Variants in WWC2 observed in about 807,000 individuals in gnomAD.
WWC2 encodes the protein WW and C2 domain containing 2.
Under a neutral mutation model 138.5 loss-of-function variants are expected in WWC2, and 101 were observed. That is an observed-to-expected ratio of 0.73 (90% CI 0.62 to 0.86). WWC2 has a LOEUF of 0.86. Among genes scored for constraint, WWC2 ranks in the 40% least tolerant of loss-of-function variants. The pLI is 0.00. For missense variants in WWC2, 1,420 were observed against 1,419.4 expected (o/e 1.00, Z -0.01); for synonymous variants, 558 against 538.4 (o/e 1.04, Z -0.50).
intron 1 of WWC2, among the ~76,000 whole-genome samples, chr4:183,155,229 T>C (rs1197687614): frequency 8.0e-6 from 1 of 125,690 alleles, no homozygotes; most frequent in Non-Finnish European, 1.6e-5. Flanking sequence ...AGAGAGTTAG[T>C]TGACGTGGTG....
At chr4:183,213,064 A>G (rs1735655274) in intron 4 of WWC2, among the ~76,000 whole-genome samples, 1 of 152,212 alleles carries the variant, frequency 6.6e-6, no homozygotes, top group Non-Finnish European at 1.5e-5. Flanking sequence ...CCCTTTCATT[A>G]GTGCCTAGGT....
At chr4:183,137,120 C>T (rs990741013) in intron 1 of WWC2, among the ~76,000 whole-genome samples, 1 of 152,096 alleles carries the variant, frequency 6.6e-6, no homozygotes, top group South Asian at 2.1e-4. Context: ...ACTGTGGAGG[C>T]CTTCAACATT....
At position 183,188,618 on chromosome 4, in the gene WWC2, A is replaced by ATCTCTCTC. The variant is rs539084926; in HGVS notation, c.132-4973_132-4966dup. On this transcript the variant is annotated intron_variant, in intron 1 of 22. Transcript: ENST00000403733. ...GATCTCTCTCTCTCTATCTAATATGATCTCTCTCTCTCTCTTGCTCCTTTC... is the reference window on the plus strand; with the variant it reads ...GATCTCTCTCTCTCTATCTAATATGATCTCTCTCTCTCTCTCTCTCTCTTGCTCCTTTC... Among the ~76,000 whole-genome samples, 773 of 138,790 alleles carry ATCTCTCTC rather than the reference A, an allele frequency of 5.6e-3. 7 individuals carry two copies. Among genetic ancestry groups the ATCTCTCTC allele is most frequent in the African/African-American group, 0.02 (744 of 37,466 alleles). 91.1% of individuals were successfully genotyped at this position (138,790 alleles called of 152,430 possible).
intron 6 of WWC2, among the ~76,000 whole-genome samples, chr4:183,246,713 A>C (rs1350986349): frequency 2.0e-5 from 3 of 152,228 alleles, no homozygotes; most frequent in African/African-American, 7.2e-5. Context: ...ACAGCTGGTA[A>C]GTAGCAAGAC....
At position 183,103,880 on chromosome 4, in the gene WWC2, C is replaced by T. The variant is rs182135508; in HGVS notation, c.131+4258C>T. Reference sequence around the variant, plus strand: ...CCATCTCCTGACCTTGTGATGCGCCCACCTTGGCCTCCCAAAGTGCTGGGA... The same window carrying T: ...CCATCTCCTGACCTTGTGATGCGCCTACCTTGGCCTCCCAAAGTGCTGGGA... On this transcript the variant is annotated intron_variant, in intron 1 of 22. Transcript: ENST00000403733. Among the ~76,000 whole-genome samples the T allele has an allele frequency of 2.5e-3, 360 of 144,662 alleles. 1 individual carries two copies. The highest frequency in any genetic ancestry group is 9.0e-3 in the African/African-American group (350 of 38,940). The allele number at this position is 144,662 out of a possible 152,430, so 94.9% of individuals were successfully genotyped here. A position where few individuals can be genotyped will look rare whatever the true frequency, so the allele number is the denominator to read the frequency against.
At chr4:183,240,846 G>C (rs754131723) in intron 5 of WWC2, among the ~76,000 whole-genome samples, 1 of 152,210 alleles carries the variant, frequency 6.6e-6, no homozygotes, top group South Asian at 2.1e-4. Context: ...TGGCTGGGCC[G>C]TTAGCAGAGC....
chr4:183,303,863 G>A (rs1738942629), intron 21 of WWC2, among the ~76,000 whole-genome samples: 1 of 151,372 alleles, frequency 6.6e-6, no homozygotes, highest in African/African-American at 2.4e-5. Context: ...GTACATGCCT[G>A]CATTTATTTA....
chr4:183,154,792 G>T (rs982346567), intron 1 of WWC2, among the ~76,000 whole-genome samples: 1 of 152,112 alleles, frequency 6.6e-6, no homozygotes, highest in African/African-American at 2.4e-5. Flanking sequence ...TAGATATGCC[G>T]TATAGCCAAT....
At chr4:183,220,603 G>A (rs1045115317) in intron 4 of WWC2, among the ~76,000 whole-genome samples, 1 of 151,694 alleles carries the variant, frequency 6.6e-6, no homozygotes, top group Non-Finnish European at 1.5e-5. Flanking sequence ...GGGAGGTCAA[G>A]GTGGGCAGAT....
At chr4:183,144,388 TAAA>T (rs994667138) in intron 1 of WWC2, among the ~76,000 whole-genome samples, 2 of 149,872 alleles carry the variant, frequency 1.3e-5, no homozygotes, top group Admixed American at 6.7e-5. Context: ...TCTGAAACTT[TAAA>T]AAAACTGCAT....
chr4:183,122,781 A>G (rs1430904501), intron 1 of WWC2, among the ~76,000 whole-genome samples: 1 of 152,110 alleles, frequency 6.6e-6, no homozygotes. Flanking sequence ...GGCCCCCCAA[A>G]GTGCTGGGAT....
chr4:183,105,819 A>G (rs529048393), intron 1 of WWC2, among the ~76,000 whole-genome samples: 5 of 151,962 alleles, frequency 3.3e-5, no homozygotes, highest in South Asian at 4.2e-4. Flanking sequence ...GAACCCGGGA[A>G]GCGGAGCTTG....
chr4:183,219,563 G>T (rs1220103813), intron 4 of WWC2, among the ~76,000 whole-genome samples: 1 of 152,086 alleles, frequency 6.6e-6, no homozygotes, highest in Non-Finnish European at 1.5e-5. Context: ...TTTAAACAAA[G>T]ATAATAAAAT....
chr4:183,164,346 TATTATATATACA>T (rs1734062551), intron 1 of WWC2, among the ~76,000 whole-genome samples: 1 of 500 alleles, frequency 2.0e-3, no homozygotes, highest in African/African-American at 2.7e-3. Context: ...TACATATATA[TATTATATATACA>T]TATATATATT....
At chr4:183,243,635 G>A (rs1365822092) in intron 5 of WWC2, among the ~76,000 whole-genome samples, 1 of 152,126 alleles carries the variant, frequency 6.6e-6, no homozygotes, top group Non-Finnish European at 1.5e-5. Context: ...CTAAGTGTCT[G>A]TGCAATTTGG....
chr4:183,188,241 C>T (rs1054987729), intron 1 of WWC2, among the ~76,000 whole-genome samples: 1 of 151,760 alleles, frequency 6.6e-6, no homozygotes, highest in Non-Finnish European at 1.5e-5. Flanking sequence ...GTGACGTGTT[C>T]TTTTGTTTTG....
chr4:183,225,157 G>A (rs925404367), intron 4 of WWC2, among the ~76,000 whole-genome samples: 13 of 152,144 alleles, frequency 8.5e-5, no homozygotes, highest in African/African-American at 2.9e-4. Flanking sequence ...CTATATGCAT[G>A]AGTGTTTATT....
At chr4:183,161,819 G>A (rs1004612138) in intron 1 of WWC2, among the ~76,000 whole-genome samples, 2 of 152,072 alleles carry the variant, frequency 1.3e-5, no homozygotes, top group African/African-American at 2.4e-5. Context: ...TATGAGGTCC[G>A]CACAATGAAA....
chr4:183,174,780 C>T (rs923687311), intron 1 of WWC2, among the ~76,000 whole-genome samples: 3 of 151,912 alleles, frequency 2.0e-5, no homozygotes, highest in South Asian at 2.1e-4. Context: ...TCCTCCTCTC[C>T]TCCTTCTCCT....
Sources: gnomAD v4.1 joint callset for allele counts (sites outside exome capture counted in the v4.1 genomes callset) on GRCh38, gnomAD v4.1.1 for gene constraint, MANE v1.5 for transcripts, NCBI Gene and HGNC (gene_info 2026-07-23, HGNC 2026-07-21) for gene names.